Variants in CCDC97 observed in about 807,000 individuals in gnomAD.
CCDC97 encodes the protein coiled-coil domain-containing protein 97.
In CCDC97, 27 loss-of-function variants were observed where a neutral mutation model predicts 33.9. That is an observed-to-expected ratio of 0.80 (90% confidence interval 0.59 to 1.10). The LOEUF (loss-of-function observed/expected upper bound fraction) is 1.10, where lower values mean the gene tolerates loss of function less well. Ranked by LOEUF, CCDC97 falls within the 50% of genes least tolerant of loss-of-function variation. CCDC97 has a pLI of 0.00. For missense variants in CCDC97, 422 were observed against 476.6 expected (o/e 0.89, Z 1.07); for synonymous variants, 217 against 194.0 (o/e 1.12, Z -0.99).
rs71177713 is a variant in CCDC97 at position 41,314,979 on chromosome 19, C to CT, written c.47-1388dup. ...TAGTGAGACCTTGTCTTTACTGAAA[C>CT]TTTTTTTTTTTTTTTTTAATTTAAA... On this transcript the variant is annotated intron_variant, in intron 1 of 4. Coordinates refer to ENST00000269967, the MANE Select transcript of CCDC97 (RefSeq NM_052848.3). Among the ~76,000 whole-genome samples the CT allele has an allele frequency of 4.8e-3, 684 of 141,846 alleles. 7 individuals carry two copies. The highest frequency in any genetic ancestry group is 0.024 in the South Asian group (106 of 4,376). 93.1% of individuals were successfully genotyped at this position (141,846 alleles called of 152,430 possible).
rs2037839279 is a variant in CCDC97, at chr19:41,322,843, A to G, written c.*128A>G. The stretch of plus-strand genomic sequence containing the variant: ...TGCCCCACAACCCACACACACCACC[A>G]TCTCACTGGGTCTAGTCTCATCTCA... On this transcript the variant is annotated 3_prime_UTR_variant, in exon 5 of 5. Transcript: ENST00000269967. The G allele has an allele frequency of 1.9e-6, 2 of 1,069,916 alleles. No homozygotes were observed. The highest frequency in any genetic ancestry group is 1.5e-5 in the South Asian group (1 of 64,604). The allele number at this position is 1,069,916 out of a possible 1,614,324, so 66.3% of individuals were successfully genotyped here. A position where few individuals can be genotyped will look rare whatever the true frequency, so the allele number is the denominator to read the frequency against.
chr19:41,321,559 G>A (rs906079084), intron 4 of CCDC97, among the ~76,000 whole-genome samples: 1 of 152,230 alleles, frequency 6.6e-6, no homozygotes, highest in African/African-American at 2.4e-5. Context: ...CCTGAAAAGG[G>A]GTCCCACTCT....
In CCDC97 at chr19:41,324,563, C is replaced by A. The variant is rs541463448; in HGVS notation, c.*1848C>A. On this transcript the variant is annotated 3_prime_UTR_variant, in exon 5 of 5. Coordinates refer to ENST00000269967, the MANE Select transcript of CCDC97 (RefSeq NM_052848.3). ...CCACTGTCCCGCACACAGACAGGAT[C>A]AGGTCATCTTGATATGGAGATCAGT... The A allele has an allele frequency of 6.6e-6, 1 of 152,296 alleles. No individual in the cohort carries two copies. The highest frequency in any genetic ancestry group is 2.4e-5 in the African/African-American group (1 of 41,462). The allele number at this position is 152,296 out of a possible 1,614,324, so 9.4% of individuals were successfully genotyped here. A position where few individuals can be genotyped will look rare whatever the true frequency, so the allele number is the denominator to read the frequency against.
chr19:41,319,136 G>A (rs2037784679), intron 2 of CCDC97, among the ~76,000 whole-genome samples: 1 of 152,310 alleles, frequency 6.6e-6, no homozygotes, highest in African/African-American at 2.4e-5. Context: ...ACGAGCTCCA[G>A]ACCGTCAGAG....
Position 41,310,328 on chromosome 19 carries a change from G to T in CCDC97, c.18G>T (p.Thr6=). The change falls in exon 1 of 5, where the codon ACG becomes ACT. Residue 6 remains threonine, a synonymous_variant. Transcript: ENST00000269967. Reference sequence around the variant, plus strand: ...GAATCAGGATGGAGGCCGTGGCGACGGCGACGGCGGCGAAGGAACCCGATA... The same window carrying T: ...GAATCAGGATGGAGGCCGTGGCGACTGCGACGGCGGCGAAGGAACCCGATA... The part of the protein sequence containing the change: MEAVA[T]ATAAKEPDKG... 6.2e-7 allele frequency: 1 copy of T among 1,606,044 alleles called. No homozygotes were observed. Among genetic ancestry groups the T allele is most frequent in the East Asian group, 2.2e-5 (1 of 44,540 alleles).
At chr19:41,320,590 A>G (rs2037813084) in intron 4 of CCDC97, 120 bp downstream of exon 4, 2 of 1,317,644 alleles carry the variant, frequency 1.5e-6, no homozygotes, top group African/African-American at 1.5e-5. Flanking sequence ...GCCCCAAAAC[A>G]GTTCCAGGAT....
intron 2 of CCDC97, among the ~76,000 whole-genome samples, chr19:41,318,112 G>A (rs1251284658): frequency 6.6e-6 from 1 of 151,888 alleles, no homozygotes; most frequent in African/African-American, 2.4e-5. Flanking sequence ...CCAGAGCCGG[G>A]GTGGGTGATA....
In CCDC97 at chr19:41,316,374, C is replaced by A. The variant is rs1244475894; in HGVS notation, c.47-10C>A. On this transcript the variant is annotated splice_polypyrimidine_tract_variant and intron_variant, in intron 1 of 4. Transcript: ENST00000269967. Reference sequence around the variant, plus strand: ...CCATCTCTGAACTAACCAATCTCTCCTTTCCTCAGGCTGCATAGAGCCTGG... The same window carrying A: ...CCATCTCTGAACTAACCAATCTCTCATTTCCTCAGGCTGCATAGAGCCTGG... 35 of 1,602,538 alleles carry A rather than the reference C, an allele frequency of 2.2e-5. No homozygotes were observed. The highest frequency in any genetic ancestry group is 2.9e-5 in the Non-Finnish European group (34 of 1,171,024).
rs1039706962 is a variant in CCDC97, at chr19:41,316,808, G to A, written c.471G>A (p.Arg157=). ...CCCTGCGTACCCGCCTGCGTAACCGGCGCTATGCTGCCCTGCGAGAGCTGA... is the reference window on the plus strand; with the variant it reads ...CCCTGCGTACCCGCCTGCGTAACCGACGCTATGCTGCCCTGCGAGAGCTGA... ...PRTLRTRLRN[R]RYAALRELIQ... The change falls in exon 2 of 5, where the codon CGG becomes CGA. Residue 157 remains arginine (R), a synonymous_variant. Coordinates refer to ENST00000269967, the MANE Select transcript of CCDC97 (RefSeq NM_052848.3). 1 of 1,594,496 alleles carries A rather than the reference G, an allele frequency of 6.3e-7. No individual in the cohort carries two copies. Among genetic ancestry groups the A allele is most frequent in the Non-Finnish European group, 8.6e-7 (1 of 1,164,756 alleles).
intron 4 of CCDC97, among the ~76,000 whole-genome samples, chr19:41,320,988 G>A (rs1293436133): frequency 6.6e-6 from 1 of 152,218 alleles, no homozygotes; most frequent in Non-Finnish European, 1.5e-5. Context: ...AGAGTGATGT[G>A]TCAGTCAAAG....
intron 3 of CCDC97, 134 bp downstream of exon 3, chr19:41,319,986 A>C: frequency 1.6e-6 from 1 of 606,452 alleles, no homozygotes; most frequent in Non-Finnish European, 2.9e-6. Flanking sequence ...GCCCAGCCTG[A>C]CTCTCTGTGT....
chr19:41,312,148 A>G (rs1026661437), intron 1 of CCDC97, among the ~76,000 whole-genome samples: 1 of 151,908 alleles, frequency 6.6e-6, no homozygotes, highest in Admixed American at 6.6e-5. Context: ...CAGTGGCATG[A>G]TCTCAGCTCA....
rs142205256 is a variant in CCDC97 at position 41,324,554 on chromosome 19, A to G, written c.*1839A>G. On this transcript the variant is annotated 3_prime_UTR_variant, in exon 5 of 5. Coordinates refer to ENST00000269967, the MANE Select transcript of CCDC97 (RefSeq NM_052848.3). ...CCGTGCTAGCCACTGTCCCGCACAC[A>G]GACAGGATCAGGTCATCTTGATATG... The G allele has an allele frequency of 6.6e-6, 1 of 152,270 alleles. No homozygotes were observed. Among genetic ancestry groups the G allele is most frequent in the African/African-American group, 2.4e-5 (1 of 41,460 alleles). The allele number at this position is 152,270 out of a possible 1,614,324, so 9.4% of individuals were successfully genotyped here.
chr19:41,324,099 GC>G lies in CCDC97; in HGVS notation c.*1387del, dbSNP rs2037857210. 1 of 152,084 alleles carries G rather than the reference GC, an allele frequency of 6.6e-6. No homozygotes were observed. Among genetic ancestry groups the G allele is most frequent in the Non-Finnish European group, 1.5e-5 (1 of 68,098 alleles). 9.4% of individuals were successfully genotyped at this position (152,084 alleles called of 1,614,324 possible). On this transcript the variant is annotated 3_prime_UTR_variant, in exon 5 of 5. Coordinates refer to ENST00000269967, the MANE Select transcript of CCDC97 (RefSeq NM_052848.3). ...TTCCTGACCTCCGAGCCTCAGCTAT[GC>G]CCTCTGGGTCAACCAGAATTAGAGC... is the stretch of plus-strand genomic sequence containing the variant.
chr19:41,314,012 T>C (rs1015198396), intron 1 of CCDC97, among the ~76,000 whole-genome samples: 3 of 152,120 alleles, frequency 2.0e-5, no homozygotes, highest in Non-Finnish European at 4.4e-5. Flanking sequence ...TTTCCTGTTT[T>C]CTTTGCCCAT....
intron 1 of CCDC97, among the ~76,000 whole-genome samples, chr19:41,315,539 G>A (rs924868111): frequency 4.6e-5 from 7 of 151,880 alleles, no homozygotes; most frequent in African/African-American, 1.7e-4. Context: ...GAACCCAGGA[G>A]GCGGCAGTTG....
rs991148433 is a variant in CCDC97, at chr19:41,323,145, G to C, written c.*430G>C. 6.1e-6 allele frequency: 1 copy of C among 164,194 alleles called. No individual in the cohort carries two copies. Among genetic ancestry groups the C allele is most frequent in the African/African-American group, 2.4e-5 (1 of 41,582 alleles). The allele number at this position is 164,194 out of a possible 1,614,324, so 10.2% of individuals were successfully genotyped here. On this transcript the variant is annotated 3_prime_UTR_variant, in exon 5 of 5. Transcript: ENST00000269967. ...CAGCTGGCAGGGCCTTTCGTGGCTG[G>C]AAGTGGCCAGTTTGGTTCCGGTGCT... is the stretch of plus-strand genomic sequence containing the variant.
At position 41,319,647 on chromosome 19, in the gene CCDC97, T is replaced by G; in HGVS notation, c.576T>G (p.Tyr192Ter). 7.4e-6 allele frequency: 12 copies of G among 1,614,010 alleles called. No homozygotes were observed. The highest frequency in any genetic ancestry group is 9.3e-6 in the Non-Finnish European group (11 of 1,179,942). Residue 192 changes from tyrosine to a stop codon, truncating the protein, a stop_gained, in exon 3 of 5, where the codon TAT becomes TAG. Transcript: ENST00000269967. LOFTEE classifies it high-confidence loss of function. ...PLLYEQYIGQ[Y>*]LTQEELSART... ...TATATGAGCAGTACATCGGGCAGTATCTCACCCAGGAGGAGCTCAGTGCCC... is the reference window on the plus strand; with the variant it reads ...TATATGAGCAGTACATCGGGCAGTAGCTCACCCAGGAGGAGCTCAGTGCCC...
At chr19:41,310,746 ATCC>A in intron 1 of CCDC97, 2 of 1,047,946 alleles carry the variant, frequency 1.9e-6, no homozygotes, top group Non-Finnish European at 2.3e-6. Flanking sequence ...CTCTAGACGA[ATCC>A]TCCTACCTTT....
Sources: allele counts gnomAD v4.1 joint callset (sites outside exome capture counted in the v4.1 genomes callset), GRCh38; gene constraint gnomAD v4.1.1; transcripts MANE v1.5; gene names NCBI Gene and HGNC (gene_info 2026-07-23, HGNC 2026-07-21).